SYT2: variants seen among roughly 807,000 people sequenced by gnomAD.
The protein encoded by SYT2 is synaptotagmin-2.
Under a neutral mutation model 39.9 loss-of-function variants are expected in SYT2, and 15 were observed. That is an observed-to-expected ratio of 0.38 (90% CI 0.25 to 0.58). The LOEUF is 0.58. Among genes scored for constraint, SYT2 ranks in the 20% least tolerant of loss-of-function variants. The pLI is 0.70. For synonymous variants in SYT2, 181 were observed against 204.5 expected, an observed-to-expected ratio of 0.89 and a Z score of 0.98; for missense variants, 389 against 530.3, an observed-to-expected ratio of 0.73 and a Z score of 2.62.
rs58802666 is a variant in SYT2, at chr1:202,626,398, C to CTTT, written c.-17-20612_-17-20610dup. Among the ~76,000 whole-genome samples, 202 of 72,454 alleles carry CTTT rather than the reference C, an allele frequency of 2.8e-3. 34 individuals are homozygous for CTTT. Among genetic ancestry groups the CTTT allele is most frequent in the African/African-American group, 2.9e-3 (61 of 20,880 alleles). 47.5% of individuals were successfully genotyped at this position (72,454 alleles called of 152,430 possible). A position where few individuals can be genotyped will look rare whatever the true frequency, so the allele number is the denominator to read the frequency against. On this transcript the variant is annotated intron_variant, in intron 1 of 8. Transcript: ENST00000367268. ...TGCATCTCCCAAGACAGCCTCTCAG[C>CTTT]TTTTTTTTTTTTTTTTTTTTTTTTT...
chr1:202,611,760 C>T (rs1207597341), intron 1 of SYT2, among the ~76,000 whole-genome samples: 3 of 152,188 alleles, frequency 2.0e-5, no homozygotes, highest in Admixed American at 1.3e-4. Flanking sequence ...GTGCTATATC[C>T]AAGAAACCAT....
intron 1 of SYT2, among the ~76,000 whole-genome samples, chr1:202,671,320 G>C (rs1203641639): frequency 6.6e-6 from 1 of 152,248 alleles, no homozygotes; most frequent in East Asian, 1.9e-4. Context: ...GCTCATGGCG[G>C]TGGAGGCCAG....
rs1690425159 is a variant in SYT2 at position 202,599,592 on chromosome 1, A to C, written c.920-241T>G. On this transcript the variant is annotated intron_variant, in intron 7 of 8. Transcript: ENST00000367268. This position sits in a 1 kb window ranked among gnomAD's most constrained non-coding sequence, Gnocchi z 4.4. ...AAGCATTGGGTGGAGGGCATTTCTG[A>C]GTCTAAGTAAGGCCTTGTGAGAAAG... Among the ~76,000 whole-genome samples, 1 of 152,036 alleles carries C rather than the reference A, an allele frequency of 6.6e-6. No individual in the cohort carries two copies. The highest frequency in any genetic ancestry group is 1.5e-5 in the Non-Finnish European group (1 of 68,010).
At chr1:202,624,397 T>G (rs1467039795) in intron 1 of SYT2, among the ~76,000 whole-genome samples, 1 of 151,274 alleles carries the variant, frequency 6.6e-6, no homozygotes, top group African/African-American at 2.4e-5. Flanking sequence ...TGTACGTATG[T>G]GTGGTATGGG....
chr1:202,630,438 C>T (rs1291273376), intron 1 of SYT2: 1 of 977,650 alleles, frequency 1.0e-6, no homozygotes, highest in Admixed American at 6.1e-5. Context: ...GCACCTAGAA[C>T]CAGGGAGCCA....
chr1:202,615,151 T>C (rs1326484971), intron 1 of SYT2, among the ~76,000 whole-genome samples: 1 of 152,074 alleles, frequency 6.6e-6, no homozygotes, highest in Non-Finnish European at 1.5e-5. Flanking sequence ...GACTTAGAGC[T>C]GCAGAGAGGG....
At position 202,616,405 on chromosome 1, in the gene SYT2, A is replaced by G. The variant is rs1157443950; in HGVS notation, c.-17-10616T>C. ...CCCTCAGCTGAGGCTGGACCAGTCC[A>G]GTTTATCACATCACCCACCAAAAAT... On this transcript the variant is annotated intron_variant, in intron 1 of 8. Coordinates refer to ENST00000367268, the MANE Select transcript of SYT2 (RefSeq NM_177402.5). 2.0e-5 allele frequency among the ~76,000 whole-genome samples: 3 copies of G among 152,070 alleles called. No individual in the cohort carries two copies. The East Asian group carries it at 5.8e-4, about 29-fold the overall frequency.
At chr1:202,639,757 A>T (rs2149095895) in intron 1 of SYT2, 2 of 985,468 alleles carry the variant, frequency 2.0e-6, no homozygotes, top group East Asian at 2.3e-4. Context: ...AGGCCCCATG[A>T]CGAAGACTAG....
chr1:202,617,258 T>G (rs969152924), intron 1 of SYT2, among the ~76,000 whole-genome samples: 9 of 152,170 alleles, frequency 5.9e-5, no homozygotes, highest in South Asian at 2.1e-4. Flanking sequence ...CATGTCAAAT[T>G]GTAATCCCTG....
At chr1:202,702,145 G>A (rs978979138) in intron 1 of SYT2, among the ~76,000 whole-genome samples, 3 of 152,126 alleles carry the variant, frequency 2.0e-5, no homozygotes, top group Non-Finnish European at 4.4e-5. Context: ...TCTGCCCCAG[G>A]GCACCCCTGC....
chr1:202,698,607 G>A (rs1244736490), intron 1 of SYT2, among the ~76,000 whole-genome samples: 1 of 152,148 alleles, frequency 6.6e-6, no homozygotes, highest in Non-Finnish European at 1.5e-5. Context: ...CAGTTGTCTA[G>A]GCAGACAGTC....
intron 6 of SYT2, 101 bp from the exon 7 acceptor site, chr1:202,600,575 C>G: frequency 1.0e-6 from 1 of 985,402 alleles, no homozygotes; most frequent in Non-Finnish European, 1.6e-6. Context: ...AGTGATGTGT[C>G]CCTGCCTCCC....
chr1:202,672,657 A>G (rs1692614805), intron 1 of SYT2, among the ~76,000 whole-genome samples: 1 of 144,478 alleles, frequency 6.9e-6, no homozygotes, highest in South Asian at 2.3e-4. Context: ...AGCAGATCAG[A>G]AGAAATAATC....
intron 1 of SYT2, among the ~76,000 whole-genome samples, chr1:202,671,873 A>G (rs929003458): frequency 6.6e-6 from 1 of 152,260 alleles, no homozygotes; most frequent in African/African-American, 2.4e-5. Flanking sequence ...ATCTCTGAAT[A>G]AAAGAATAAA....
intron 1 of SYT2, among the ~76,000 whole-genome samples, chr1:202,687,502 C>A (rs1247407522): frequency 1.3e-5 from 2 of 152,040 alleles, no homozygotes; most frequent in African/African-American, 4.8e-5. Context: ...CGACCTTCAG[C>A]TGAGCGTGAC....
chr1:202,696,527 T>A (rs1455271662), intron 1 of SYT2, among the ~76,000 whole-genome samples: 8 of 152,240 alleles, frequency 5.3e-5, no homozygotes, highest in Non-Finnish European at 1.2e-4. Flanking sequence ...TTTTAATGTC[T>A]TGCTTCCCTC....
chr1:202,692,180 C>G (rs1169307839), intron 1 of SYT2, among the ~76,000 whole-genome samples: 1 of 152,066 alleles, frequency 6.6e-6, no homozygotes, highest in Non-Finnish European at 1.5e-5. Context: ...CCTGCTCTGA[C>G]CTGACATAGA....
At chr1:202,636,919 G>A (rs1182510954) in intron 1 of SYT2, among the ~76,000 whole-genome samples, 1 of 152,194 alleles carries the variant, frequency 6.6e-6, no homozygotes, top group Non-Finnish European at 1.5e-5. Flanking sequence ...GGAGGAGCTG[G>A]CATTTGAATA....
At chr1:202,598,884 G>A (rs1690393689) in intron 8 of SYT2, among the ~76,000 whole-genome samples, 1 of 152,134 alleles carries the variant, frequency 6.6e-6, no homozygotes, top group Non-Finnish European at 1.5e-5. Flanking sequence ...GATGGAGGTG[G>A]CAGCGGCCAC....
Sources: gnomAD v4.1 joint callset for allele counts (sites outside exome capture counted in the v4.1 genomes callset) on GRCh38, gnomAD v4.1.1 for gene constraint, Gnocchi (gnomAD v3.1) non-coding constraint, MANE v1.5 for transcripts, NCBI Gene and HGNC (gene_info 2026-07-23, HGNC 2026-07-21) for gene names.